Variants in RYR3 observed in about 807,000 individuals in gnomAD.
RYR3 encodes the protein brain ryanodine receptor-calcium release channel.
In RYR3, 207 loss-of-function variants were observed where a neutral mutation model predicts 584.3. That is an observed-to-expected ratio of 0.35 (90% CI 0.32 to 0.40). RYR3 has a LOEUF of 0.40. Ranked by LOEUF, RYR3 falls within the 10% of genes least tolerant of loss-of-function variation. The probability of loss-of-function intolerance (pLI) is 1.00; values close to 1 mark genes in which losing one functional copy is unlikely to be tolerated. For synonymous variants in RYR3, 2,416 were observed against 2,248.5 expected, an observed-to-expected ratio of 1.07 and a Z score of -2.11; for missense variants, 5,616 against 6,089.2, an observed-to-expected ratio of 0.92 and a Z score of 2.59.
intron 66 of RYR3, among the ~76,000 whole-genome samples, chr15:33,786,327 C>G (rs1433461311): frequency 6.6e-6 from 1 of 152,326 alleles, no homozygotes; most frequent in African/African-American, 2.4e-5. Flanking sequence ...CCAGAATTTT[C>G]CTGGTAAGTA....
intron 7 of RYR3, among the ~76,000 whole-genome samples, chr15:33,543,146 T>G (rs867303227): frequency 6.6e-6 from 1 of 152,272 alleles, no homozygotes; most frequent in Admixed American, 6.5e-5. Context: ...TGTTGCCTTC[T>G]CCTAAAGGGT....
At chr15:33,742,848 G>A (rs1279615847) in intron 52 of RYR3, among the ~76,000 whole-genome samples, 1 of 152,110 alleles carries the variant, frequency 6.6e-6, no homozygotes, top group Non-Finnish European at 1.5e-5. Context: ...ACATGTTTCT[G>A]GAAGGCTGGA....
chr15:33,500,518 G>A (rs2051877429), intron 2 of RYR3, among the ~76,000 whole-genome samples: 1 of 152,166 alleles, frequency 6.6e-6, no homozygotes, highest in Non-Finnish European at 1.5e-5. Flanking sequence ...CTTATCCAGG[G>A]CCCTGGCCTC....
chr15:33,748,113 G>A lies in RYR3; in HGVS notation c.7990-1G>A. On this transcript the variant is annotated splice_acceptor_variant, in intron 53 of 103. Coordinates refer to ENST00000634891, the MANE Select transcript of RYR3 (RefSeq NM_001036.6). LOFTEE classifies it high-confidence loss of function. ...GTGCTTCTGCTCAAATTCTCTTCTAGGAGAAGGAAATTTATCGCTGGCCTG... is the reference window on the plus strand; with the variant it reads ...GTGCTTCTGCTCAAATTCTCTTCTAAGAGAAGGAAATTTATCGCTGGCCTG... 6.2e-7 allele frequency: 1 copy of A among 1,613,502 alleles called. No homozygotes were observed. Among genetic ancestry groups the A allele is most frequent in the Non-Finnish European group, 8.5e-7 (1 of 1,179,804 alleles).
In RYR3 at chr15:33,311,537, G is replaced by A. The variant is rs1967284220; in HGVS notation, c.51+441G>A. ...TCTTCCAGGGCGCCCCCACGCACAG[G>A]GGAACCTCCGGGAAGGAGCCAGCGG... On this transcript the variant is annotated intron_variant, in intron 1 of 103. Coordinates refer to ENST00000634891, the MANE Select transcript of RYR3 (RefSeq NM_001036.6). This position sits in a 1 kb window ranked among gnomAD's most constrained non-coding sequence, Gnocchi z 4.4. Among the ~76,000 whole-genome samples the A allele has an allele frequency of 1.3e-5, 2 of 152,176 alleles. No homozygotes were observed. Among genetic ancestry groups the A allele is most frequent in the Non-Finnish European group, 2.9e-5 (2 of 68,024 alleles).
At chr15:33,333,066 C>CAAAAAAAA (rs1195937254) in intron 1 of RYR3, among the ~76,000 whole-genome samples, 13 of 55,714 alleles carry the variant, frequency 2.3e-4, no homozygotes, top group African/African-American at 3.0e-4. Flanking sequence ...GCCTACCAAC[C>CAAAAAAAA]AAAAAAAAAA....
chr15:33,450,401 A>G (rs574910870), intron 1 of RYR3, among the ~76,000 whole-genome samples: 1 of 152,274 alleles, frequency 6.6e-6, no homozygotes, highest in South Asian at 2.1e-4. Flanking sequence ...CCCAGGCTGT[A>G]CACCCTGTAG....
At chr15:33,638,776 C>G (rs1200130683) in intron 27 of RYR3, among the ~76,000 whole-genome samples, 2 of 152,144 alleles carry the variant, frequency 1.3e-5, no homozygotes, top group African/African-American at 4.8e-5. Context: ...TGACAAGTGA[C>G]TAATACAGAA....
chr15:33,585,178 A>G (rs966081976), intron 15 of RYR3, among the ~76,000 whole-genome samples: 2 of 152,166 alleles, frequency 1.3e-5, no homozygotes, highest in Non-Finnish European at 2.9e-5. Context: ...AGACCGGCCA[A>G]GAGAGGTTCC....
chr15:33,431,734 C>T (rs2045170547), intron 1 of RYR3, among the ~76,000 whole-genome samples: 1 of 152,036 alleles, frequency 6.6e-6, no homozygotes, highest in Non-Finnish European at 1.5e-5. Flanking sequence ...CTCCTGCACT[C>T]CAGCCTGAAA....
intron 63 of RYR3, among the ~76,000 whole-genome samples, chr15:33,772,452 C>T (rs2073648945): frequency 6.6e-6 from 1 of 152,148 alleles, no homozygotes. Context: ...CGCTTAATTT[C>T]AAAGGTTATC....
At chr15:33,858,035 C>T in intron 99 of RYR3, 121 bp downstream of exon 99, 1 of 1,274,264 alleles carries the variant, frequency 7.8e-7, no homozygotes, top group Non-Finnish European at 1.1e-6. Flanking sequence ...AGTTACAGAG[C>T]ACAGCAGAGA....
chr15:33,818,220 G>A (rs76545807), intron 75 of RYR3, among the ~76,000 whole-genome samples: 366 of 152,266 alleles, frequency 2.4e-3, no homozygotes, highest in Non-Finnish European at 4.2e-3. Context: ...TGTCTCTGTG[G>A]GGTTTTCCTC....
At chr15:33,447,720 A>G (rs1200028760) in intron 1 of RYR3, among the ~76,000 whole-genome samples, 1 of 152,222 alleles carries the variant, frequency 6.6e-6, no homozygotes, top group African/African-American at 2.4e-5. Flanking sequence ...ACACATTTCA[A>G]GGGCTCAATA....
At position 33,755,102 on chromosome 15, in the gene RYR3, G is replaced by A. The variant is rs2071682791; in HGVS notation, c.8437G>A (p.Glu2813Lys). Residue 2813 changes from glutamate to lysine, a missense_variant, in exon 58 of 104, where the codon GAG becomes AAG. Glu to Lys is a moderately conservative substitution (Grantham distance 56). This residue lies in a region of RYR3 where 1,280 missense variants were observed against 1,426.2 expected (regional missense o/e 0.90). Coordinates refer to ENST00000634891, the MANE Select transcript of RYR3 (RefSeq NM_001036.6). ...KDMELDASSM[E>K]KRFAYKFLKK... ...TATGGAGCTGGATGCCTCCTCCATGGAGAAGAGGTTTGCCTATAAGTTCTT... is the reference window on the plus strand; with the variant it reads ...TATGGAGCTGGATGCCTCCTCCATGAAGAAGAGGTTTGCCTATAAGTTCTT... The A allele has an allele frequency of 6.2e-7, 1 of 1,613,358 alleles. No homozygotes were observed.
At chr15:33,572,148 G>A (rs1387191245) in intron 12 of RYR3, among the ~76,000 whole-genome samples, 4 of 152,036 alleles carry the variant, frequency 2.6e-5, no homozygotes, top group Non-Finnish European at 4.4e-5. Flanking sequence ...GCTCAGCAAC[G>A]CAGTTTTATA....
At position 33,865,398 on chromosome 15, in the gene RYR3, T is replaced by A; in HGVS notation, c.*172T>A. On this transcript the variant is annotated 3_prime_UTR_variant, in exon 104 of 104. Coordinates refer to ENST00000634891, the MANE Select transcript of RYR3 (RefSeq NM_001036.6). Reference sequence around the variant, plus strand: ...TGAAATTGATTTGGCTTTTTGTGCCTAATGGACATACACTGTGGGAGAGAA... The same window carrying A: ...TGAAATTGATTTGGCTTTTTGTGCCAAATGGACATACACTGTGGGAGAGAA... 1 of 588,730 alleles carries A rather than the reference T, an allele frequency of 1.7e-6. No individual in the cohort carries two copies. Among genetic ancestry groups the A allele is most frequent in the Non-Finnish European group, 3.0e-6 (1 of 331,632 alleles). The allele number at this position is 588,730 out of a possible 1,614,324, so 36.5% of individuals were successfully genotyped here.
chr15:33,431,590 C>T (rs2045152059), intron 1 of RYR3, among the ~76,000 whole-genome samples: 1 of 151,778 alleles, frequency 6.6e-6, no homozygotes, highest in Admixed American at 6.6e-5. Context: ...TGGCAAGATT[C>T]CCTCTGCAAA....
intron 1 of RYR3, among the ~76,000 whole-genome samples, chr15:33,466,056 T>C (rs1346214774): frequency 6.6e-6 from 1 of 152,072 alleles, no homozygotes; most frequent in Non-Finnish European, 1.5e-5. Flanking sequence ...GACATCCAAG[T>C]TGAGATGTTG....
Sources: gnomAD v4.1 joint callset for allele counts (sites outside exome capture counted in the v4.1 genomes callset) on GRCh38, gnomAD v4.1.1 for gene constraint, gnomAD v4.1.1 regional missense constraint, Gnocchi (gnomAD v3.1) non-coding constraint, MANE v1.5 for transcripts, NCBI Gene and HGNC (gene_info 2026-07-23, HGNC 2026-07-21) for gene names.